CDON: variants seen among roughly 807,000 people sequenced by gnomAD.
CDON encodes cell adhesion associated, oncogene regulated, also known as cell adhesion molecule-related/down-regulated by oncogenes.
CDON carries 73 observed loss-of-function variants against 120.9 expected under a neutral mutation model. The ratio of observed to expected loss-of-function variants is 0.60; its 90% CI spans 0.50 to 0.73. The LOEUF is 0.73. CDON is among the 30% of genes least tolerant of loss of function. CDON has a pLI of 0.00. For synonymous variants in CDON, 566 were observed against 573.5 expected (o/e 0.99, Z 0.19); for missense variants, 1,470 against 1,587.3 (o/e 0.93, Z 1.26).
At chr11:126,021,067 G>C (rs1239908956) in intron 3 of CDON, among the ~76,000 whole-genome samples, 181 bp downstream of exon 3, 2 of 151,964 alleles carry the variant, frequency 1.3e-5, no homozygotes, top group African/African-American at 4.8e-5. Flanking sequence ...GAGGGCATGA[G>C]GCCAGGCTCA....
chr11:126,048,703 A>AT lies in CDON; in HGVS notation c.-62+13875dup, dbSNP rs1004413222. On this transcript the variant is annotated intron_variant, in intron 1 of 19. Transcript: ENST00000531738. ...TCTCTAAAATTTCAACAATTTAGTT[A>AT]TTTTTTTTTTCTTTTCTGAGATGGA... Among the ~76,000 whole-genome samples the AT allele has an allele frequency of 6.6e-4, 68 of 103,404 alleles. 3 individuals are homozygous for AT. The highest frequency in any genetic ancestry group is 1.1e-3 in the African/African-American group (24 of 22,830). 67.8% of individuals were successfully genotyped at this position (103,404 alleles called of 152,430 possible). A position where few individuals can be genotyped will look rare whatever the true frequency, so the allele number is the denominator to read the frequency against.
Position 125,960,994 on chromosome 11 carries a change from C to T in CDON, c.3743G>A (p.Gly1248Asp), listed in dbSNP as rs1399298607. 5 of 1,614,006 alleles carry T rather than the reference C, an allele frequency of 3.1e-6. No individual in the cohort carries two copies. Among genetic ancestry groups the T allele is most frequent in the Middle Eastern group, 1.6e-4 (1 of 6,082 alleles). ...CAEKTMWSPP[G>D]IPLDSPTEVL... The stretch of plus-strand genomic sequence containing the variant: ...CTCTGTCGGGCTGTCTAAAGGAATG[C>T]CAGGTGGAGACCACATTGTCTTCTC... The change falls in exon 20 of 20, where the codon GGC (glycine) becomes GAC (aspartate). Residue 1248 changes from glycine (G) to aspartate (D), a missense_variant. By Grantham distance (94) the Gly-to-Asp change is moderately conservative. Transcript: ENST00000531738.
At chr11:126,027,640 C>A (rs1026953521) in intron 1 of CDON, among the ~76,000 whole-genome samples, 1 of 152,184 alleles carries the variant, frequency 6.6e-6, no homozygotes, top group Non-Finnish European at 1.5e-5. Context: ...CACAAGTCAG[C>A]GGCCTTAATG....
intron 18 of CDON, among the ~76,000 whole-genome samples, chr11:125,963,756 T>G (rs1945715161): frequency 6.6e-6 from 1 of 152,238 alleles, no homozygotes; most frequent in South Asian, 2.1e-4. Context: ...GCAGAATAAT[T>G]TGAGTATGGT....
At chr11:126,052,120 C>A (rs1489574639) in intron 1 of CDON, among the ~76,000 whole-genome samples, 1 of 150,956 alleles carries the variant, frequency 6.6e-6, no homozygotes, top group Non-Finnish European at 1.5e-5. Flanking sequence ...CAAAACAAAA[C>A]AAAAAAAACT....
At chr11:126,042,476 C>T (rs2134844823) in intron 1 of CDON, among the ~76,000 whole-genome samples, 1 of 152,286 alleles carries the variant, frequency 6.6e-6, no homozygotes, top group Middle Eastern at 3.4e-3. Context: ...CAGACAAGAA[C>T]TGGATTGTGC....
intron 15 of CDON, among the ~76,000 whole-genome samples, chr11:125,985,616 T>C (rs1946438559): frequency 6.6e-6 from 1 of 152,204 alleles, no homozygotes; most frequent in Non-Finnish European, 1.5e-5. Flanking sequence ...CTGCTGTTAT[T>C]ATTGCTTATT....
At chr11:125,990,551 T>C (rs1326746966) in intron 14 of CDON, among the ~76,000 whole-genome samples, 3 of 152,210 alleles carry the variant, frequency 2.0e-5, no homozygotes, top group African/African-American at 7.2e-5. Context: ...AAATTAACTC[T>C]TCAAGCACCC....
chr11:126,044,912 C>T (rs1213864343), intron 1 of CDON, among the ~76,000 whole-genome samples: 2 of 152,074 alleles, frequency 1.3e-5, no homozygotes, highest in African/African-American at 4.8e-5. Context: ...ATGTTCCTAA[C>T]ACAAAGAAAA....
At chr11:125,991,730 C>T (rs1946636940) in intron 14 of CDON, among the ~76,000 whole-genome samples, 1 of 150,978 alleles carries the variant, frequency 6.6e-6, no homozygotes. Context: ...CAATAGTTTC[C>T]AACTGCTACA....
intron 12 of CDON, among the ~76,000 whole-genome samples, chr11:125,996,766 T>C (rs1204564454): frequency 6.6e-6 from 1 of 150,696 alleles, no homozygotes; most frequent in Non-Finnish European, 1.5e-5. Flanking sequence ...TGATTATCTC[T>C]GAATGGGTGA....
rs1004443059 is a variant in CDON at position 126,035,738 on chromosome 11, G to C, written c.-61-12201C>G. On this transcript the variant is annotated intron_variant, in intron 1 of 19. Transcript: ENST00000531738. ...GAAAACTCAAAATCAGTGCCAGGCA[G>C]TTAAAACCAAAGTAACCATCAGGAT... 1.7e-4 allele frequency among the ~76,000 whole-genome samples: 26 copies of C among 152,188 alleles called. 1 individual carries two copies. The highest frequency in any genetic ancestry group is 4.4e-5 in the Non-Finnish European group (3 of 68,026).
chr11:126,030,544 G>A (rs1014650392), intron 1 of CDON, among the ~76,000 whole-genome samples: 15 of 151,990 alleles, frequency 9.9e-5, no homozygotes, highest in Non-Finnish European at 1.3e-4. Context: ...GTTAGATTCC[G>A]TTTTTTAAAA....
chr11:125,957,704 A>G lies in CDON; in HGVS notation c.*3238T>C, dbSNP rs1273095645. 6.6e-6 allele frequency: 1 copy of G among 152,258 alleles called. No individual in the cohort carries two copies. Among genetic ancestry groups the G allele is most frequent in the African/African-American group, 2.4e-5 (1 of 41,474 alleles). 9.4% of individuals were successfully genotyped at this position (152,258 alleles called of 1,614,324 possible). ...CTGGAATGAGATCTGTGGCATGATC[A>G]GCCCAAGATGGATGCATTGAGTCTT... On this transcript the variant is annotated 3_prime_UTR_variant, in exon 20 of 20. Transcript: ENST00000531738.
At chr11:125,994,528 T>C (rs559168924) in intron 13 of CDON, 139 bp from the exon 14 acceptor site, 528 of 670,204 alleles carry the variant, frequency 7.9e-4, no homozygotes, top group Non-Finnish European at 1.1e-3. Flanking sequence ...TTTAATTTAC[T>C]TCAAAGGTAT....
intron 1 of CDON, among the ~76,000 whole-genome samples, chr11:126,047,112 T>G (rs1948424365): frequency 1.3e-5 from 2 of 152,152 alleles, no homozygotes; most frequent in African/African-American, 4.8e-5. Context: ...TCCCCTTGCT[T>G]TTAGCTATCC....
rs918248294 is a variant in CDON at position 125,958,461 on chromosome 11, C to T, written c.*2481G>A. On this transcript the variant is annotated 3_prime_UTR_variant, in exon 20 of 20. Transcript: ENST00000531738. ...GTCCTCTCATTTCCTGGTGAAGTGA[C>T]ATTAGGTAGGACTGTTTGGGTGCCT... 14 of 151,712 alleles carry T rather than the reference C, an allele frequency of 9.2e-5. 1 individual carries two copies. Among genetic ancestry groups the T allele is most frequent in the African/African-American group, 3.4e-4 (14 of 41,292 alleles). The allele number at this position is 151,712 out of a possible 1,614,324, so 9.4% of individuals were successfully genotyped here. A position where few individuals can be genotyped will look rare whatever the true frequency, so the allele number is the denominator to read the frequency against.
chr11:126,004,231 A>T (rs1947050277), intron 9 of CDON, 155 bp from the exon 10 acceptor site: 1 of 742,922 alleles, frequency 1.3e-6, no homozygotes, highest in East Asian at 2.7e-5. Flanking sequence ...ATACTTCTTC[A>T]TATTAAGAAA....
In CDON at chr11:126,017,239, C is replaced by T. The variant is rs1223453366; in HGVS notation, c.777G>A (p.Gly259=). The T allele has an allele frequency of 4.3e-6, 7 of 1,614,128 alleles. No homozygotes were observed. Among genetic ancestry groups the T allele is most frequent in the Non-Finnish European group, 5.9e-6 (7 of 1,180,030 alleles). ...AGTTGCTTCCTGGTGCAATGTCCTG[C>T]CCGTCCTTTAGCCAATACACTTGAG... ...PAPQVYWLKD[G]QDIAPGSNWR... The change falls in exon 6 of 20, where the codon GGG becomes GGA. Residue 259 remains glycine, a synonymous_variant. Transcript: ENST00000531738.
Sources: gnomAD v4.1 joint callset for allele counts (sites outside exome capture counted in the v4.1 genomes callset) on GRCh38, gnomAD v4.1.1 for gene constraint, MANE v1.5 for transcripts, NCBI Gene and HGNC (gene_info 2026-07-23, HGNC 2026-07-21) for gene names.